Variants in CLDN16 observed in about 807,000 individuals in gnomAD.
CLDN16 encodes claudin 16, also known as claudin-16.
CLDN16 carries 13 observed loss-of-function variants against 24.6 expected under a neutral mutation model. That is an observed-to-expected ratio of 0.53 (90% CI 0.34 to 0.84). The LOEUF (loss-of-function observed/expected upper bound fraction) is 0.84. CLDN16 is among the 40% of genes least tolerant of loss of function. CLDN16 has a pLI of 0.01. For synonymous variants in CLDN16, 116 were observed against 106.7 expected (o/e 1.09, Z -0.54); for missense variants, 298 against 292.7 (o/e 1.02, Z -0.13).
At chr3:190,290,905 T>C in the CLDN16 span, among the ~76,000 whole-genome samples, 3 of 152,116 alleles carry the variant, frequency 2.0e-5, no homozygotes, top group Non-Finnish European at 4.4e-5. Flanking sequence ...TGTGGGAATA[T>C]AAAAAATGTG....
chr3:190,309,328 C>T, the CLDN16 span, among the ~76,000 whole-genome samples: 1 of 152,202 alleles, frequency 6.6e-6, no homozygotes, highest in Non-Finnish European at 1.5e-5. Context: ...TCTATTCTTA[C>T]ACTGTAAATC....
At chr3:190,396,540 A>C (rs1236146556) in intron 1 of CLDN16, among the ~76,000 whole-genome samples, 1 of 152,178 alleles carries the variant, frequency 6.6e-6, no homozygotes, top group East Asian at 1.9e-4. Context: ...CAAGAGTAAG[A>C]GACTGTATGC....
chr3:190,338,576 G>A (rs924405027), intron 1 of CLDN16, among the ~76,000 whole-genome samples: 4 of 152,308 alleles, frequency 2.6e-5, no homozygotes, highest in African/African-American at 9.6e-5. Flanking sequence ...GAGTGTCTGA[G>A]ACATCCCACC....
chr3:190,306,977 G>C, the CLDN16 span: 1 of 152,660 alleles, frequency 6.6e-6, no homozygotes, highest in Non-Finnish European at 1.5e-5. Flanking sequence ...ATGAAGGTAC[G>C]TGTGTAGGTT....
At chr3:190,338,474 C>A in intron 1 of CLDN16, among the ~76,000 whole-genome samples, 1 of 152,056 alleles carries the variant, frequency 6.6e-6, no homozygotes, top group Non-Finnish European at 1.5e-5. Context: ...TCTCTTGGTA[C>A]CCTCATGCCC....
chr3:190,372,315 G>C (rs533094534), intron 2 of CLDN16, among the ~76,000 whole-genome samples: 127 of 151,896 alleles, frequency 8.4e-4, no homozygotes, highest in African/African-American at 2.9e-3. Flanking sequence ...GATGTTCTCT[G>C]AACTCCAGTT....
chr3:190,397,145 A>G (rs189582359), intron 1 of CLDN16, among the ~76,000 whole-genome samples: 327 of 152,246 alleles, frequency 2.1e-3, no homozygotes, highest in African/African-American at 7.7e-3. Context: ...TTTGGCAACT[A>G]ATTAAGAGAT....
chr3:190,400,080 T>C (rs1457659614), intron 1 of CLDN16, among the ~76,000 whole-genome samples: 1 of 152,170 alleles, frequency 6.6e-6, no homozygotes, highest in Admixed American at 6.5e-5. Context: ...AACCGGTCCC[T>C]GGTGCCAAAA....
chr3:190,355,106 C>T (rs1717741065), intron 1 of CLDN16, among the ~76,000 whole-genome samples: 1 of 151,858 alleles, frequency 6.6e-6, no homozygotes, highest in African/African-American at 2.4e-5. Flanking sequence ...ATTTTTAGAG[C>T]TCCTTTTTCT....
At chr3:190,351,214 G>A (rs943682362) in intron 1 of CLDN16, among the ~76,000 whole-genome samples, 2 of 151,974 alleles carry the variant, frequency 1.3e-5, no homozygotes, top group African/African-American at 2.4e-5. Context: ...AGAAGCACAG[G>A]CTGTCACCAT....
chr3:190,337,866 A>G (rs1717346299), intron 1 of CLDN16, among the ~76,000 whole-genome samples: 1 of 152,206 alleles, frequency 6.6e-6, no homozygotes, highest in Non-Finnish European at 1.5e-5. Context: ...GAAGCCTGGT[A>G]GTGGGAACAT....
At chr3:190,386,564 T>A (rs1225620208), upstream of CLDN16, among the ~76,000 whole-genome samples, 1 of 152,118 alleles carries the variant, frequency 6.6e-6, no homozygotes, top group Non-Finnish European at 1.5e-5. Flanking sequence ...CCATGTGAAG[T>A]GGGATGGCTT....
In CLDN16 at chr3:190,409,246, G is replaced by GCATATGCATGTA. The variant is rs1560100149; in HGVS notation, c.575-657_575-656insCATATGCATGTA. On this transcript the variant is annotated intron_variant, in intron 4 of 4. Transcript: ENST00000264734. Reference sequence around the variant, plus strand: ...TATATGCATGTATATATGCACACACGTATATGCATGTATATATGCACACAT... The same window carrying GCATATGCATGTA: ...TATATGCATGTATATATGCACACACGCATATGCATGTATATATGCATGTATATATGCACACAT... Among the ~76,000 whole-genome samples the GCATATGCATGTA allele has an allele frequency of 6.5e-3, 980 of 151,318 alleles. 12 individuals carry two copies. The highest frequency in any genetic ancestry group is 0.023 in the African/African-American group (936 of 40,770).
At chr3:190,337,149 G>A (rs1717329630) in intron 1 of CLDN16, among the ~76,000 whole-genome samples, 1 of 152,216 alleles carries the variant, frequency 6.6e-6, no homozygotes, top group South Asian at 2.1e-4. Context: ...AGTCCTGGAA[G>A]ACAGTATTCA....
intron 1 of CLDN16, among the ~76,000 whole-genome samples, chr3:190,368,645 A>T (rs1172574132): frequency 6.6e-6 from 1 of 151,958 alleles, no homozygotes; most frequent in Non-Finnish European, 1.5e-5. Flanking sequence ...CAGGGTTTTG[A>T]AGGAAATTCT....
chr3:190,393,941 CG>C (rs1212255516), intron 1 of CLDN16, among the ~76,000 whole-genome samples: 1 of 151,704 alleles, frequency 6.6e-6, no homozygotes, highest in African/African-American at 2.4e-5. Context: ...TTTGTAGAGA[CG>C]GGGTTTCACC....
At chr3:190,399,351 T>TA (rs111384302) in intron 1 of CLDN16, among the ~76,000 whole-genome samples, 3 of 150,534 alleles carry the variant, frequency 2.0e-5, no homozygotes, top group Admixed American at 6.6e-5. Context: ...TAAAAATACT[T>TA]AAAAAAAAAA....
At chr3:190,320,572 A>ATGC (rs1716892214), upstream of CLDN16, among the ~76,000 whole-genome samples, 8 of 152,384 alleles carry the variant, frequency 5.2e-5, no homozygotes, top group South Asian at 1.7e-3. Context: ...CACTCAAAAC[A>ATGC]ACCATGCACA....
the CLDN16 span, among the ~76,000 whole-genome samples, chr3:190,312,230 CT>C: frequency 4.9e-4 from 74 of 151,862 alleles, no homozygotes; most frequent in African/African-American, 1.6e-3. Flanking sequence ...CACACCTGGC[CT>C]AAAAAACACG....
Sources: allele counts gnomAD v4.1 joint callset (sites outside exome capture counted in the v4.1 genomes callset), GRCh38; gene constraint gnomAD v4.1.1; transcripts MANE v1.5; gene names NCBI Gene and HGNC (gene_info 2026-07-23, HGNC 2026-07-21).